The following PPP2R3B variants were observed in gnomAD, a reference collection of about 807,000 sequenced individuals.
The protein encoded by PPP2R3B is serine/threonine-protein phosphatase 2A regulatory subunit B'' subunit beta.
A neutral mutation model predicts 72.9 loss-of-function variants in PPP2R3B; 68 were observed. That is an observed-to-expected ratio of 0.93 (90% CI 0.77 to 1.14). PPP2R3B has a LOEUF of 1.14. PPP2R3B is among the 50% of genes most tolerant of loss of function. The pLI, the probability that PPP2R3B is intolerant of heterozygous loss-of-function variation, is 0.00. For missense variants in PPP2R3B, 1,018 were observed against 842.0 expected (o/e 1.21, Z -2.59); for synonymous variants, 466 against 375.8 (o/e 1.24, Z -2.78).
chrX:383,582 A>AAC (rs2072171423), intron 1 of PPP2R3B, among the ~76,000 whole-genome samples: 1 of 152,094 alleles, frequency 6.6e-6, no homozygotes, highest in Admixed American at 6.6e-5. Flanking sequence ...TCACACCTGT[A>AAC]ATCCCAAAAC....
chrX:339,277 G>C (rs1038108981), intron 10 of PPP2R3B, among the ~76,000 whole-genome samples: 3 of 149,628 alleles, frequency 2.0e-5, no homozygotes, highest in African/African-American at 7.4e-5. Context: ...ATGGCCGGGG[G>C]GGGCAGGGCT....
chrX:369,766 G>A (rs1415401556), intron 1 of PPP2R3B, among the ~76,000 whole-genome samples: 1 of 152,240 alleles, frequency 6.6e-6, no homozygotes, highest in Admixed American at 6.5e-5. Context: ...CAAAGCCACA[G>A]AGGAGGTGCC....
At chrX:334,996 G>A (rs898619489) in intron 12 of PPP2R3B, 19 of 154,624 alleles carry the variant, frequency 1.2e-4, no homozygotes, top group East Asian at 3.8e-4. Flanking sequence ...TTAAGGTCTC[G>A]GCAGTGACGT....
chrX:384,996 A>AC (rs2072213355), intron 1 of PPP2R3B, among the ~76,000 whole-genome samples: 2 of 151,324 alleles, frequency 1.3e-5, no homozygotes, highest in Non-Finnish European at 2.9e-5. Context: ...AAAAAAAAAA[A>AC]AAAAAAAAAA....
At chrX:345,770 G>A in intron 6 of PPP2R3B, 98 bp from the exon 7 acceptor site, 1 of 1,424,248 alleles carries the variant, frequency 7.0e-7, no homozygotes, top group Admixed American at 2.0e-5. Context: ...GGAGGGTCGG[G>A]GCCGCTCCGT....
intron 2 of PPP2R3B, among the ~76,000 whole-genome samples, chrX:348,741 A>G (rs1223489542): frequency 6.6e-6 from 1 of 152,208 alleles, no homozygotes; most frequent in Non-Finnish European, 1.5e-5. Context: ...AAAATCTGAA[A>G]GAGCTGTTTC....
chrX:345,665 G>T lies in PPP2R3B; in HGVS notation c.887C>A (p.Ala296Glu), dbSNP rs760244257. 3 of 1,612,234 alleles carry T rather than the reference G, an allele frequency of 1.9e-6. No individual in the cohort carries two copies. The highest frequency in any genetic ancestry group is 2.5e-6 in the Non-Finnish European group (3 of 1,179,286). The change falls in exon 7 of 13, where the codon GCG becomes GAG. Residue 296 changes from alanine (A) to glutamate (E), a missense_variant. Ala to Glu is a moderately radical substitution (Grantham distance 107). Coordinates refer to ENST00000390665, the MANE Select transcript of PPP2R3B (RefSeq NM_013239.5). ...GATGTCCGCCTCCTCCTCCAGCAGC[G>T]CCACATTCTGCCAAAGGACCCAGGC... ...LRRSSFLQNVALLEEEADINQ... is the reference protein window; with the variant it reads ...LRRSSFLQNVELLEEEADINQ...
At chrX:345,349 G>A (rs1181682215) in intron 7 of PPP2R3B, 167 bp downstream of exon 7, 1 of 984,744 alleles carries the variant, frequency 1.0e-6, no homozygotes, top group Non-Finnish European at 1.6e-6. Flanking sequence ...GGCAGCGACT[G>A]GGGAAGGAGA....
chrX:363,411 G>GTGCATCTCCCCGAGCCCGCGATCCCACAA (rs2071592847), intron 1 of PPP2R3B, among the ~76,000 whole-genome samples: 1 of 44,108 alleles, frequency 2.3e-5, no homozygotes, highest in Non-Finnish European at 4.8e-5. Flanking sequence ...CAATCCCACA[G>GTGCATCTCCCCGAGCCCGCGATCCCACAA]TGCATCTCCC....
intron 7 of PPP2R3B, 166 bp from the exon 8 acceptor site, chrX:342,097 C>T: frequency 4.0e-6 from 3 of 744,474 alleles, no homozygotes; most frequent in Non-Finnish European, 7.1e-6. Flanking sequence ...ATCCTAGGGG[C>T]CCACCACGCT....
At chrX:341,995 C>A in intron 7 of PPP2R3B, 64 bp from the exon 8 acceptor site, 5 of 1,593,820 alleles carry the variant, frequency 3.1e-6, no homozygotes, top group Non-Finnish European at 4.3e-6. Flanking sequence ...CACCACCCCC[C>A]GGAGCCGAGA....
chrX:363,078 G>A (rs1249948464), intron 1 of PPP2R3B, among the ~76,000 whole-genome samples: 4 of 152,076 alleles, frequency 2.6e-5, no homozygotes, highest in Admixed American at 6.5e-5. Context: ...GGCCGCCTCC[G>A]TGACCTGGGG....
chrX:363,567 T>C (rs35777733), intron 1 of PPP2R3B, among the ~76,000 whole-genome samples: 256 of 2,224 alleles, frequency 0.12, 10 homozygotes, highest in South Asian at 0.16. Context: ...TGCATCTCCA[T>C]GAGTCCACGA....
intron 2 of PPP2R3B, among the ~76,000 whole-genome samples, chrX:356,221 G>GT (rs781118070): frequency 7.3e-4 from 111 of 152,140 alleles, no homozygotes; most frequent in African/African-American, 2.3e-3. Flanking sequence ...TTTGTTTTTT[G>GT]TTTTTTTGCG....
intron 1 of PPP2R3B, among the ~76,000 whole-genome samples, chrX:379,791 T>G (rs1569418737): frequency 6.6e-6 from 1 of 152,184 alleles, no homozygotes; most frequent in Non-Finnish European, 1.5e-5. Flanking sequence ...TTCAAAGCAA[T>G]CCCAATCAAA....
intron 1 of PPP2R3B, among the ~76,000 whole-genome samples, chrX:372,011 C>T (rs1376338679): frequency 4.6e-5 from 7 of 152,188 alleles, no homozygotes; most frequent in Non-Finnish European, 7.3e-5. Context: ...ACAGGTGCAT[C>T]GTCACCACAG....
chrX:352,912 T>G (rs1447049420), intron 2 of PPP2R3B, among the ~76,000 whole-genome samples: 1 of 151,118 alleles, frequency 6.6e-6, no homozygotes, highest in African/African-American at 2.4e-5. Flanking sequence ...CAGGGTCACA[T>G]GAACCAGTGG....
rs747730939 is a variant in PPP2R3B at position 365,098 on chromosome X, A to G, written c.325-3508T>C. ...TGTGGTGGCGCATGCCTGTAATCCC[A>G]GCTACTTGAGAGGCTGAGGCAGGAG... On this transcript the variant is annotated intron_variant, in intron 1 of 12. Coordinates refer to ENST00000390665, the MANE Select transcript of PPP2R3B (RefSeq NM_013239.5). Among the ~76,000 whole-genome samples the G allele has an allele frequency of 1.2e-3, 103 of 85,006 alleles. 7 individuals are homozygous for G. The highest frequency in any genetic ancestry group is 5.7e-3 in the Middle Eastern group (1 of 174). The allele number at this position is 85,006 out of a possible 152,430, so 55.8% of individuals were successfully genotyped here.
intron 1 of PPP2R3B, among the ~76,000 whole-genome samples, chrX:370,651 G>C (rs2071839655): frequency 6.6e-6 from 1 of 152,194 alleles, no homozygotes; most frequent in Admixed American, 6.5e-5. Flanking sequence ...CTCCCTGCCA[G>C]GTGGGGAACC....
Sources: allele counts gnomAD v4.1 joint callset (sites outside exome capture counted in the v4.1 genomes callset), GRCh38; gene constraint gnomAD v4.1.1; transcripts MANE v1.5; gene names NCBI Gene and HGNC (gene_info 2026-07-23, HGNC 2026-07-21).